The following BRSK1 variants were observed in gnomAD, a reference collection of about 807,000 sequenced individuals.
BRSK1 encodes BR serine/threonine kinase 1, also known as serine/threonine-protein kinase BRSK1.
Under a neutral mutation model 86.2 loss-of-function variants are expected in BRSK1, and 17 were observed. That is an observed-to-expected ratio of 0.20 (90% CI 0.14 to 0.30). BRSK1 has a LOEUF of 0.30. Among genes scored for constraint, BRSK1 ranks in the 10% least tolerant of loss-of-function variants. The probability of loss-of-function intolerance (pLI) is 1.00; values close to 1 mark genes in which losing one functional copy is unlikely to be tolerated. For missense variants in BRSK1, 719 were observed against 1,071.9 expected, an observed-to-expected ratio of 0.67 and a Z score of 4.60; for synonymous variants, 464 against 440.1, an observed-to-expected ratio of 1.05 and a Z score of -0.68.
Position 55,284,248 on chromosome 19 carries a change from G to C in BRSK1, c.-195G>C. ...CTGACTCCCGGGGCCTGACCCCCCC[G>C]GGCCAGCCCCCCCTCCCCCAGCTCC... On this transcript the variant is annotated 5_prime_UTR_variant, in exon 1 of 19. Coordinates refer to ENST00000309383, the MANE Select transcript of BRSK1 (RefSeq NM_032430.2). 1 of 468,100 alleles carries C rather than the reference G, an allele frequency of 2.1e-6. No homozygotes were observed. The highest frequency in any genetic ancestry group is 3.4e-6 in the Non-Finnish European group (1 of 296,362). 29.0% of individuals were successfully genotyped at this position (468,100 alleles called of 1,614,324 possible). A position where few individuals can be genotyped will look rare whatever the true frequency, so the allele number is the denominator to read the frequency against.
rs151125585 is a variant in BRSK1, at chr19:55,287,037, C to T, written c.167C>T (p.Thr56Met). 1 of 1,613,490 alleles carries T rather than the reference C, an allele frequency of 6.2e-7. No homozygotes were observed. The highest frequency in any genetic ancestry group is 8.5e-7 in the Non-Finnish European group (1 of 1,179,830). Residue 56 changes from threonine (T) to methionine (M), a missense_variant, in exon 2 of 19, where the codon ACG becomes ATG. Coordinates refer to ENST00000309383, the MANE Select transcript of BRSK1 (RefSeq NM_032430.2). The surrounding 1 kb of genome is among the most constrained non-coding windows in gnomAD (Gnocchi z 5.3). ...GTTAAACTCGGGGTCCACTGCATCA[C>T]GGGTCAGAAGGTCGCCATCAAGATC... ...GLVKLGVHCI[T>M]GQKVAIKIVN...
chr19:55,308,342 C>A (rs1348588545), intron 17 of BRSK1, among the ~76,000 whole-genome samples: 1 of 152,108 alleles, frequency 6.6e-6, no homozygotes, highest in Non-Finnish European at 1.5e-5. Flanking sequence ...ATTTTTCTTA[C>A]ATTTCTGGTC....
intron 1 of BRSK1, 60 bp downstream of exon 1, chr19:55,284,638 CG>C: frequency 3.2e-6 from 4 of 1,248,648 alleles, no homozygotes; most frequent in Non-Finnish European, 4.1e-6. Flanking sequence ...GCGGCAGAGG[CG>C]GGACTCAGGG....
intron 17 of BRSK1, among the ~76,000 whole-genome samples, chr19:55,308,069 G>A (rs2088690252): frequency 6.8e-6 from 1 of 147,824 alleles, no homozygotes; most frequent in Admixed American, 6.8e-5. Context: ...CGTCCAGGCT[G>A]GAGTGCAATG....
intron 4 of BRSK1, among the ~76,000 whole-genome samples, chr19:55,291,272 C>T (rs2088401916): frequency 6.6e-6 from 1 of 151,958 alleles, no homozygotes; most frequent in Non-Finnish European, 1.5e-5. Context: ...GGCATGGTAG[C>T]ACATGCCTGT....
At chr19:55,289,342 T>C (rs1456271590) in intron 3 of BRSK1, 138 bp from the exon 4 acceptor site, 10 of 998,662 alleles carry the variant, frequency 1.0e-5, no homozygotes, top group African/African-American at 1.6e-5. Context: ...CAGGGACCCA[T>C]GGGAATTGGA....
At position 55,305,384 on chromosome 19, in the gene BRSK1, G is replaced by A; in HGVS notation, c.1766+15G>A. ...TCCTCCCCGGAGTGAGTCTCACAGG[G>A]AAGGAAAGAGTGGGGATGCAGGGGA... On this transcript the variant is annotated intron_variant, in intron 15 of 18. Coordinates refer to ENST00000309383, the MANE Select transcript of BRSK1 (RefSeq NM_032430.2). 6.2e-7 allele frequency: 1 copy of A among 1,614,192 alleles called. No homozygotes were observed. The highest frequency in any genetic ancestry group is 8.5e-7 in the Non-Finnish European group (1 of 1,180,024).
rs905947755 is a variant in BRSK1, at chr19:55,302,185, T to C, written c.857+17T>C. ...TTGGTACCTGTGAGTATGGGGTAACTGGACTCTTGGGTCCCTGGCGGAAAT... is the reference window on the plus strand; with the variant it reads ...TTGGTACCTGTGAGTATGGGGTAACCGGACTCTTGGGTCCCTGGCGGAAAT... On this transcript the variant is annotated intron_variant, in intron 9 of 18. Transcript: ENST00000309383. The surrounding 1 kb of genome is among the most constrained non-coding windows in gnomAD (Gnocchi z 6.3). 3 of 1,613,386 alleles carry C rather than the reference T, an allele frequency of 1.9e-6. No homozygotes were observed. The highest frequency in any genetic ancestry group is 2.5e-6 in the Non-Finnish European group (3 of 1,179,762).
At position 55,287,380 on chromosome 19, in the gene BRSK1, T is replaced by C. The variant is rs921465374; in HGVS notation, c.317+81T>C. 1 of 1,354,290 alleles carries C rather than the reference T, an allele frequency of 7.4e-7. No individual in the cohort carries two copies. Among genetic ancestry groups the C allele is most frequent in the African/African-American group, 1.4e-5 (1 of 69,548 alleles). 83.9% of individuals were successfully genotyped at this position (1,354,290 alleles called of 1,614,324 possible). A position where few individuals can be genotyped will look rare whatever the true frequency, so the allele number is the denominator to read the frequency against. On this transcript the variant is annotated intron_variant, in intron 3 of 18. Coordinates refer to ENST00000309383, the MANE Select transcript of BRSK1 (RefSeq NM_032430.2). The surrounding 1 kb of genome is among the most constrained non-coding windows in gnomAD (Gnocchi z 5.3). ...GTGGGACTTCTCCAGAAACAGGGCCTAGGGGGACCTGGGGGACCTGCAGCT... is the reference window on the plus strand; with the variant it reads ...GTGGGACTTCTCCAGAAACAGGGCCCAGGGGGACCTGGGGGACCTGCAGCT...
chr19:55,310,954 C>G lies in BRSK1; in HGVS notation c.2180-957C>G, dbSNP rs778826296. 6.6e-6 allele frequency among the ~76,000 whole-genome samples: 1 copy of G among 151,930 alleles called. No homozygotes were observed. The highest frequency in any genetic ancestry group is 1.5e-5 in the Non-Finnish European group (1 of 67,968). ...GTCACCGTGGTTGCTATGACAAGCC[C>G]CCCAGTTTTTGTTTTTGTTTTTTTG... On this transcript the variant is annotated intron_variant, in intron 18 of 18. Coordinates refer to ENST00000309383, the MANE Select transcript of BRSK1 (RefSeq NM_032430.2). The surrounding 1 kb of genome is among the most constrained non-coding windows in gnomAD (Gnocchi z 5.0).
At chr19:55,285,000 G>A (rs1398780658) in intron 1 of BRSK1, among the ~76,000 whole-genome samples, 5 of 150,862 alleles carry the variant, frequency 3.3e-5, no homozygotes, top group South Asian at 2.1e-4. Flanking sequence ...AGAAGGGCTT[G>A]GGGGCCTGGA....
Position 55,294,302 on chromosome 19 carries a change from G to A in BRSK1, c.610-27G>A. The A allele has an allele frequency of 6.2e-7, 1 of 1,614,166 alleles. No homozygotes were observed. Among genetic ancestry groups the A allele is most frequent in the African/African-American group, 1.3e-5 (1 of 75,046 alleles). On this transcript the variant is annotated intron_variant, in intron 6 of 18. Coordinates refer to ENST00000309383, the MANE Select transcript of BRSK1 (RefSeq NM_032430.2). This position sits in a 1 kb window ranked among gnomAD's most constrained non-coding sequence, Gnocchi z 4.9. Reference sequence around the variant, plus strand: ...GGTGGAGGCAGCAGTGAGGAGCGATGAAGTCACAACTGGCCTTCCCTTCCA... The same window carrying A: ...GGTGGAGGCAGCAGTGAGGAGCGATAAAGTCACAACTGGCCTTCCCTTCCA...
In BRSK1 at chr19:55,286,950, C is replaced by T. The variant is rs970851301; in HGVS notation, c.137-57C>T. Reference sequence around the variant, plus strand: ...CAGGGTGGCCAAGGGGGGACATAGGCGCTGGGGACGAAGGGGACCCGGCGG... The same window carrying T: ...CAGGGTGGCCAAGGGGGGACATAGGTGCTGGGGACGAAGGGGACCCGGCGG... On this transcript the variant is annotated intron_variant, in intron 1 of 18. Transcript: ENST00000309383. 1.3e-4 allele frequency: 197 copies of T among 1,547,790 alleles called. 1 individual carries two copies. The highest frequency in any genetic ancestry group is 1.8e-4 in the Middle Eastern group (1 of 5,468).
At position 55,312,092 on chromosome 19, in the gene BRSK1, G is replaced by GGACCCCCCTC; in HGVS notation, c.*25_*34dup. On this transcript the variant is annotated 3_prime_UTR_variant, in exon 19 of 19. Coordinates refer to ENST00000309383, the MANE Select transcript of BRSK1 (RefSeq NM_032430.2). ...GACCCCACGGGGCCGGGGAGGGAGGGGACCCCCCTCCACCCCCCTTCCGTG... is the reference window on the plus strand; with the variant it reads ...GACCCCACGGGGCCGGGGAGGGAGGGGACCCCCCTCGACCCCCCTCCACCCCCCTTCCGTG... 1 of 1,328,030 alleles carries GGACCCCCCTC rather than the reference G, an allele frequency of 7.5e-7. No homozygotes were observed. Among genetic ancestry groups the GGACCCCCCTC allele is most frequent in the Non-Finnish European group, 1.0e-6 (1 of 1,005,004 alleles). The allele number at this position is 1,328,030 out of a possible 1,614,324, so 82.3% of individuals were successfully genotyped here.
chr19:55,286,752 G>C (rs2088323465), intron 1 of BRSK1, among the ~76,000 whole-genome samples: 1 of 151,858 alleles, frequency 6.6e-6, no homozygotes, highest in Non-Finnish European at 1.5e-5. Flanking sequence ...TGAGGGCCAG[G>C]GGGTGGCTGG....
Position 55,305,547 on chromosome 19 carries a change from C to G in BRSK1, c.1851C>G (p.Leu617=), listed in dbSNP as rs763401139. Residue 617 remains leucine, a synonymous_variant, in exon 16 of 19, where the codon CTC becomes CTG. Coordinates refer to ENST00000309383, the MANE Select transcript of BRSK1 (RefSeq NM_032430.2). ...TCCTCGTGCTAAAGGACAAACCTCTCAGCAGCATCAAAGCAGACATCGTCC... is the reference window on the plus strand; with the variant it reads ...TCCTCGTGCTAAAGGACAAACCTCTGAGCAGCATCAAAGCAGACATCGTCC... ...QIFLVLKDKP[L]SSIKADIVHA... The G allele has an allele frequency of 6.2e-7, 1 of 1,614,100 alleles. No homozygotes were observed. The highest frequency in any genetic ancestry group is 2.2e-5 in the East Asian group (1 of 44,896).
At position 55,307,297 on chromosome 19, in the gene BRSK1, C is replaced by T. The variant is rs140077333; in HGVS notation, c.2089+847C>T. On this transcript the variant is annotated intron_variant, in intron 17 of 18. Transcript: ENST00000309383. ...CATGCAGGCTGGGCGCGGTGGCTCA[C>T]GCCTGTAATCCCAGCACTTTGGGAG... Among the ~76,000 whole-genome samples the T allele has an allele frequency of 4.7e-3, 714 of 152,254 alleles. 1 individual carries two copies. Among genetic ancestry groups the T allele is most frequent in the Non-Finnish European group, 8.3e-3 (565 of 68,010 alleles).
At chr19:55,284,866 TCC>T in intron 1 of BRSK1, among the ~76,000 whole-genome samples, 1 of 144,258 alleles carries the variant, frequency 6.9e-6, no homozygotes, top group Non-Finnish European at 1.5e-5. Context: ...GGGCCTGGAC[TCC>T]TGGGTTTCAG....
chr19:55,284,389 G>T lies in BRSK1; in HGVS notation c.-54G>T. The T allele has an allele frequency of 1.6e-6, 1 of 615,468 alleles. No individual in the cohort carries two copies. Among genetic ancestry groups the T allele is most frequent in the South Asian group, 7.9e-5 (1 of 12,736 alleles). 38.1% of individuals were successfully genotyped at this position (615,468 alleles called of 1,614,324 possible). On this transcript the variant is annotated 5_prime_UTR_variant, in exon 1 of 19. Transcript: ENST00000309383. Reference sequence around the variant, plus strand: ...CCGGCCCCCACCGGAGAGACGGGGCGACGGCCGCAGGGGGGGCGGCCGGGG... The same window carrying T: ...CCGGCCCCCACCGGAGAGACGGGGCTACGGCCGCAGGGGGGGCGGCCGGGG...
Sources: allele counts gnomAD v4.1 joint callset (sites outside exome capture counted in the v4.1 genomes callset), GRCh38; gene constraint gnomAD v4.1.1; non-coding constraint Gnocchi (gnomAD v3.1); transcripts MANE v1.5; gene names NCBI Gene and HGNC (gene_info 2026-07-23, HGNC 2026-07-21).